The following REM2 variants were observed in gnomAD, a reference collection of about 807,000 sequenced individuals.
REM2 encodes the protein RRAD and GEM like GTPase 2.
In REM2, 24 loss-of-function variants were observed where a neutral mutation model predicts 24.4. That is an observed-to-expected ratio of 0.98 (90% CI 0.71 to 1.38). The LOEUF is 1.38. Ranked by LOEUF, REM2 falls within the 40% of genes most tolerant of loss-of-function variation. The pLI is 0.00. For missense variants in REM2, 429 were observed against 467.8 expected, an observed-to-expected ratio of 0.92 and a Z score of 0.77; for synonymous variants, 187 against 198.0, an observed-to-expected ratio of 0.94 and a Z score of 0.47.
Position 22,886,816 on chromosome 14 carries a change from G to A in REM2, c.930G>A (p.Lys310=). 6.5e-7 allele frequency: 1 copy of A among 1,549,272 alleles called. No individual in the cohort carries two copies. Among genetic ancestry groups the A allele is most frequent in the Non-Finnish European group, 8.7e-7 (1 of 1,146,418 alleles). ...CTGCACGCCGCGAGAGCCTCACCAA[G>A]AAAGCCAAGAGGTTCCTCGCCAACC... ...APPARRESLT[K]KAKRFLANLV... Residue 310 remains lysine, a synonymous_variant, in exon 5 of 5, where the codon AAG becomes AAA. Transcript: ENST00000267396. The surrounding 1 kb of genome is among the most constrained non-coding windows in gnomAD (Gnocchi z 5.9).
rs190386539 is a variant in REM2, at chr14:22,887,212, C to G, written c.*303C>G. On this transcript the variant is annotated 3_prime_UTR_variant, in exon 5 of 5. Coordinates refer to ENST00000267396, the MANE Select transcript of REM2 (RefSeq NM_173527.3). ...TGGGTCGGGAAGAAAAATAATTCTG[C>G]AAGGTATTTTGTTTTTTATTAATTC... 3.1e-3 allele frequency: 1,026 copies of G among 331,208 alleles called. 3 individuals are homozygous for G. Among genetic ancestry groups the G allele is most frequent in the Middle Eastern group, 0.018 (22 of 1,250 alleles). 20.5% of individuals were successfully genotyped at this position (331,208 alleles called of 1,614,324 possible). A position where few individuals can be genotyped will look rare whatever the true frequency, so the allele number is the denominator to read the frequency against.
chr14:22,884,085 C>T (rs868523309), intron 1 of REM2: 2 of 985,274 alleles, frequency 2.0e-6, no homozygotes, highest in Middle Eastern at 5.2e-4. Context: ...CTCACACACA[C>T]ACACAGAGAA....
intron 1 of REM2, among the ~76,000 whole-genome samples, chr14:22,883,636 A>G (rs981813212): frequency 4.6e-5 from 7 of 152,188 alleles, no homozygotes; most frequent in Middle Eastern, 3.4e-3. Flanking sequence ...AAACTGGTAC[A>G]TGGCCCCTAG....
chr14:22,883,346 C>A lies in REM2; in HGVS notation c.59C>A (p.Pro20His). Residue 20 changes from proline to histidine, a missense_variant, in exon 1 of 5, where the codon CCC (proline) becomes CAC (histidine). Coordinates refer to ENST00000267396, the MANE Select transcript of REM2 (RefSeq NM_173527.3). The stretch of plus-strand genomic sequence containing the variant: ...GACACAGAAACCACAGCACTCTGCC[C>A]CTCTGGCAGCCGCCGGGCCTCCCCT... ...DMDTETTALCPSGSRRASPPG... is the reference protein window; with the variant it reads ...DMDTETTALCHSGSRRASPPG... 1 of 1,559,528 alleles carries A rather than the reference C, an allele frequency of 6.4e-7. No individual in the cohort carries two copies. Among genetic ancestry groups the A allele is most frequent in the Non-Finnish European group, 8.7e-7 (1 of 1,152,062 alleles).
At chr14:22,884,639 A>G in intron 1 of REM2, 35 bp from the exon 2 acceptor site, 1 of 1,565,918 alleles carries the variant, frequency 6.4e-7, no homozygotes, top group Admixed American at 1.9e-5. Context: ...TCCCACTCAT[A>G]GCTTCCTTTT....
At position 22,887,511 on chromosome 14, in the gene REM2, A is replaced by G. The variant is rs1017687535; in HGVS notation, c.*602A>G. The stretch of plus-strand genomic sequence containing the variant: ...GCTGTTCCTGAGATGGATTCTCTTG[A>G]CTTACCAGTCCACCACGGCACTTCC... On this transcript the variant is annotated 3_prime_UTR_variant, in exon 5 of 5. Coordinates refer to ENST00000267396, the MANE Select transcript of REM2 (RefSeq NM_173527.3). 2 of 152,132 alleles carry G rather than the reference A, an allele frequency of 1.3e-5. No individual in the cohort carries two copies. The highest frequency in any genetic ancestry group is 2.9e-5 in the Non-Finnish European group (2 of 68,008). 9.4% of individuals were successfully genotyped at this position (152,132 alleles called of 1,614,324 possible).
chr14:22,886,144 C>T lies in REM2; in HGVS notation c.640C>T (p.Arg214Trp), dbSNP rs747619493. Residue 214 changes from arginine to tryptophan, a missense_variant, in exon 4 of 5, where the codon CGG becomes TGG. Coordinates refer to ENST00000267396, the MANE Select transcript of REM2 (RefSeq NM_173527.3). The surrounding 1 kb of genome is among the most constrained non-coding windows in gnomAD (Gnocchi z 5.9). ...AGTTCCAGAGACCCTACTTCGGCTC[C>T]GGGCTGGGAGGCCGCACCACGACCT... is the stretch of plus-strand genomic sequence containing the variant. Reference protein sequence around the residue: ...SKVPETLLRLRAGRPHHDLPV... With the variant: ...SKVPETLLRLWAGRPHHDLPV... The T allele has an allele frequency of 3.8e-5, 61 of 1,613,844 alleles. No individual in the cohort carries two copies. Among genetic ancestry groups the T allele is most frequent in the Non-Finnish European group, 4.9e-5 (58 of 1,179,882 alleles).
rs773741245 is a variant in REM2, at chr14:22,886,052, A to C, written c.548A>C (p.His183Pro). ...GATGCAGGAGGGTGGCTGCGGGACC[A>C]CTGCCTTCAGACCGGGGACGCCTTT... ...QGDAGGWLRD[H>P]CLQTGDAFLI... The change falls in exon 4 of 5, where the codon CAC (histidine) becomes CCC (proline). Residue 183 changes from histidine to proline, a missense_variant. By Grantham distance (77) the His-to-Pro change is moderately conservative. Coordinates refer to ENST00000267396, the MANE Select transcript of REM2 (RefSeq NM_173527.3). The surrounding 1 kb of genome is among the most constrained non-coding windows in gnomAD (Gnocchi z 5.9). The C allele has an allele frequency of 6.2e-7, 1 of 1,613,948 alleles. No homozygotes were observed. The highest frequency in any genetic ancestry group is 2.2e-5 in the East Asian group (1 of 44,882).
rs958173034 is a variant in REM2 at position 22,887,519 on chromosome 14, G to A, written c.*610G>A. On this transcript the variant is annotated 3_prime_UTR_variant, in exon 5 of 5. Transcript: ENST00000267396. ...TGAGATGGATTCTCTTGACTTACCAGTCCACCACGGCACTTCCCCTTTAAG... is the reference window on the plus strand; with the variant it reads ...TGAGATGGATTCTCTTGACTTACCAATCCACCACGGCACTTCCCCTTTAAG... The A allele has an allele frequency of 2.6e-5, 4 of 152,212 alleles. No individual in the cohort carries two copies. The highest frequency in any genetic ancestry group is 7.2e-5 in the African/African-American group (3 of 41,434). The allele number at this position is 152,212 out of a possible 1,614,324, so 9.4% of individuals were successfully genotyped here.
Position 22,886,221 on chromosome 14 carries a change from A to C in REM2, c.717A>C (p.Val239=). 1 of 1,611,800 alleles carries C rather than the reference A, an allele frequency of 6.2e-7. No homozygotes were observed. The highest frequency in any genetic ancestry group is 8.5e-7 in the Non-Finnish European group (1 of 1,178,794). ...NKSDLARSRE[V]SLEEGRHLAG... is the part of the protein sequence containing the mutation. Reference sequence around the variant, plus strand: ...GCGACTTGGCCCGCTCCCGGGAGGTATCACTGGAGGGTGTGTATCCTGAAC... The same window carrying C: ...GCGACTTGGCCCGCTCCCGGGAGGTCTCACTGGAGGGTGTGTATCCTGAAC... Residue 239 remains valine, a synonymous_variant, in exon 4 of 5, where the codon GTA becomes GTC. Coordinates refer to ENST00000267396, the MANE Select transcript of REM2 (RefSeq NM_173527.3). This position sits in a 1 kb window ranked among gnomAD's most constrained non-coding sequence, Gnocchi z 5.9.
Position 22,884,857 on chromosome 14 carries a change from G to C in REM2, c.287G>C (p.Gly96Ala), listed in dbSNP as rs8014119. 153,492 of 1,613,830 alleles carry C rather than the reference G, an allele frequency of 0.095. 8,188 individuals are homozygous for C. Among genetic ancestry groups the C allele is most frequent in the African/African-American group, 0.16 (12,327 of 75,002 alleles). Residue 96 changes from glycine to alanine, a missense_variant, in exon 2 of 5, where the codon GGC becomes GCC. Coordinates refer to ENST00000267396, the MANE Select transcript of REM2 (RefSeq NM_173527.3). ...LDWPPQASSS[G>A]SSDSLGSGEA... ...TGGCCACCTCAGGCCTCATCCTCTGGCTCGTCTGACTCCTTGGGCTCAGGG... is the reference window on the plus strand; with the variant it reads ...TGGCCACCTCAGGCCTCATCCTCTGCCTCGTCTGACTCCTTGGGCTCAGGG...
chr14:22,887,152 A>T lies in REM2; in HGVS notation c.*243A>T, dbSNP rs2040139027. 7 of 397,178 alleles carry T rather than the reference A, an allele frequency of 1.8e-5. No individual in the cohort carries two copies. Among genetic ancestry groups the T allele is most frequent in the Non-Finnish European group, 2.2e-5 (5 of 225,212 alleles). The allele number at this position is 397,178 out of a possible 1,614,324, so 24.6% of individuals were successfully genotyped here. A position where few individuals can be genotyped will look rare whatever the true frequency, so the allele number is the denominator to read the frequency against. ...GGGCGCCTAGAAGGCGAGGACGCAG[A>T]CCTGAAGGCGGCCGGTGAGCGGGGC... On this transcript the variant is annotated 3_prime_UTR_variant, in exon 5 of 5. Coordinates refer to ENST00000267396, the MANE Select transcript of REM2 (RefSeq NM_173527.3).
chr14:22,886,443 C>A lies in REM2; in HGVS notation c.728-171C>A. 1.4e-6 allele frequency: 1 copy of A among 727,840 alleles called. No homozygotes were observed. Among genetic ancestry groups the A allele is most frequent in the Non-Finnish European group, 2.2e-6 (1 of 448,452 alleles). 45.1% of individuals were successfully genotyped at this position (727,840 alleles called of 1,614,324 possible). A position where few individuals can be genotyped will look rare whatever the true frequency, so the allele number is the denominator to read the frequency against. ...ACCTCTCTCCTAGGCCTCCTTCTCC[C>A]TCTCCTTCGCACCTCCACAGACCCA... On this transcript the variant is annotated intron_variant, in intron 4 of 4. Coordinates refer to ENST00000267396, the MANE Select transcript of REM2 (RefSeq NM_173527.3). This position sits in a 1 kb window ranked among gnomAD's most constrained non-coding sequence, Gnocchi z 5.9.
chr14:22,885,164 G>A, intron 2 of REM2, 102 bp from the exon 3 acceptor site: 1 of 1,368,658 alleles, frequency 7.3e-7, no homozygotes, highest in Admixed American at 1.9e-5. Context: ...AGAGGGGCAG[G>A]GTTCCCTGGT....
chr14:22,887,485 T>C lies in REM2; in HGVS notation c.*576T>C, dbSNP rs1007818304. ...GTTCTTAAAGGCAAGGGCCTGGAAG[T>C]GCTGTTCCTGAGATGGATTCTCTTG... On this transcript the variant is annotated 3_prime_UTR_variant, in exon 5 of 5. Transcript: ENST00000267396. The C allele has an allele frequency of 3.3e-5, 5 of 152,170 alleles. No individual in the cohort carries two copies. The highest frequency in any genetic ancestry group is 9.7e-5 in the African/African-American group (4 of 41,428). The allele number at this position is 152,170 out of a possible 1,614,324, so 9.4% of individuals were successfully genotyped here.
At position 22,886,759 on chromosome 14, in the gene REM2, C is replaced by A; in HGVS notation, c.873C>A (p.Pro291=). The A allele has an allele frequency of 6.5e-7, 1 of 1,545,006 alleles. No individual in the cohort carries two copies. The highest frequency in any genetic ancestry group is 8.7e-7 in the Non-Finnish European group (1 of 1,145,176). The change falls in exon 5 of 5, where the codon CCC becomes CCA. Residue 291 remains proline (P), a synonymous_variant. Transcript: ENST00000267396. The surrounding 1 kb of genome is among the most constrained non-coding windows in gnomAD (Gnocchi z 5.9). ...GAAACCACGCCGGAGGCCAGAGGCC[C>A]GATCCGGGCAGCCCCGAGGGCCCTG... The part of the protein sequence containing the change: ...RGRNHAGGQR[P]DPGSPEGPAP...
intron 1 of REM2, chr14:22,884,439 A>G: frequency 1.0e-6 from 1 of 985,362 alleles, no homozygotes; most frequent in African/African-American, 1.7e-5. Context: ...CACGTTTTGA[A>G]TAGGTTGGGG....
chr14:22,886,962 G>A lies in REM2; in HGVS notation c.*53G>A, dbSNP rs972315179. ...GCCATGGTCACCGCGCCCTCCGCTCGCCCCCCCTCGCCCCGCCCCGCCCCC... is the reference window on the plus strand; with the variant it reads ...GCCATGGTCACCGCGCCCTCCGCTCACCCCCCCTCGCCCCGCCCCGCCCCC... On this transcript the variant is annotated 3_prime_UTR_variant, in exon 5 of 5. Transcript: ENST00000267396. The surrounding 1 kb of genome is among the most constrained non-coding windows in gnomAD (Gnocchi z 5.9). 4 of 1,297,012 alleles carry A rather than the reference G, an allele frequency of 3.1e-6. No individual in the cohort carries two copies. Among genetic ancestry groups the A allele is most frequent in the Non-Finnish European group, 4.0e-6 (4 of 991,016 alleles). 80.3% of individuals were successfully genotyped at this position (1,297,012 alleles called of 1,614,324 possible).
Position 22,884,672 on chromosome 14 carries a change from A to T in REM2, c.104-2A>T, listed in dbSNP as rs1245512626. 1 of 1,590,604 alleles carries T rather than the reference A, an allele frequency of 6.3e-7. No individual in the cohort carries two copies. Among genetic ancestry groups the T allele is most frequent in the East Asian group, 2.2e-5 (1 of 44,530 alleles). Reference sequence around the variant, plus strand: ...TTTCTTTGCCCTCCCATTTTATTTTAGAAGCAGATGCCACGCTACTAAAGA... The same window carrying T: ...TTTCTTTGCCCTCCCATTTTATTTTTGAAGCAGATGCCACGCTACTAAAGA... On this transcript the variant is annotated splice_acceptor_variant, in intron 1 of 4. Transcript: ENST00000267396. LOFTEE classifies it high-confidence loss of function.
Sources: allele counts gnomAD v4.1 joint callset (sites outside exome capture counted in the v4.1 genomes callset), GRCh38; gene constraint gnomAD v4.1.1; non-coding constraint Gnocchi (gnomAD v3.1); transcripts MANE v1.5; gene names NCBI Gene and HGNC (gene_info 2026-07-23, HGNC 2026-07-21).